The following RBFOX1 variants were observed in gnomAD, a reference collection of about 807,000 sequenced individuals.
RBFOX1 encodes the protein RNA binding fox-1 homolog 1, also known as RNA binding protein fox-1 homolog 1.
In RBFOX1, 8 loss-of-function variants were observed where a neutral mutation model predicts 57.7. That is an observed-to-expected ratio of 0.14 (90% CI 0.08 to 0.25). RBFOX1 has a LOEUF of 0.25. Among genes scored for constraint, RBFOX1 ranks in the 10% least tolerant of loss-of-function variants. The probability of loss-of-function intolerance (pLI) is 1.00; values close to 1 mark genes in which losing one functional copy is unlikely to be tolerated. For missense variants in RBFOX1, 611 were observed against 548.5 expected (o/e 1.11, Z -1.14); for synonymous variants, 326 against 222.4 (o/e 1.47, Z -4.15).
At chr16:6,810,004 G>C (rs927706846) in intron 3 of RBFOX1, among the ~76,000 whole-genome samples, 9 of 147,994 alleles carry the variant, frequency 6.1e-5, no homozygotes, top group African/African-American at 1.7e-4. Flanking sequence ...GTGTCTCTCT[G>C]AAAAAATTCT....
At chr16:5,296,527 C>T (rs2063672406) in intron 1 of RBFOX1, among the ~76,000 whole-genome samples, 3 of 151,224 alleles carry the variant, frequency 2.0e-5, no homozygotes, top group Admixed American at 2.0e-4. Context: ...CCTTGGTTCT[C>T]AGCAGTTCAA....
chr16:6,814,808 T>C lies in RBFOX1; in HGVS notation c.-16+160158T>C, dbSNP rs756058485. Among the ~76,000 whole-genome samples the C allele has an allele frequency of 4.0e-4, 61 of 152,102 alleles. 1 individual carries two copies. The highest frequency in any genetic ancestry group is 2.5e-4 in the Non-Finnish European group (17 of 68,010). ...GAAGCAGCACATCAAGGGGTTTGGG[T>C]TTATGTCCTGTGAGTGTTTCTGGAA... On this transcript the variant is annotated intron_variant, in intron 3 of 15. Coordinates refer to ENST00000550418, the MANE Select transcript of RBFOX1 (RefSeq NM_018723.4).
chr16:6,653,049 C>T (rs537224625), intron 2 of RBFOX1, among the ~76,000 whole-genome samples: 1 of 152,158 alleles, frequency 6.6e-6, no homozygotes, highest in Admixed American at 6.5e-5. Flanking sequence ...CTTCCTCTTG[C>T]TTGGCTCTTT....
intron 4 of RBFOX1, among the ~76,000 whole-genome samples, chr16:7,471,156 T>C (rs1273101704): frequency 6.6e-6 from 1 of 152,156 alleles, no homozygotes; most frequent in Non-Finnish European, 1.5e-5. Flanking sequence ...TGGGGGGATT[T>C]TCTATGATTT....
chr16:5,572,596 G>C (rs959086087), intron 2 of RBFOX1, among the ~76,000 whole-genome samples: 1 of 152,190 alleles, frequency 6.6e-6, no homozygotes, highest in Non-Finnish European at 1.5e-5. Flanking sequence ...ATCACCTGAG[G>C]TTGAGAACCC....
intron 4 of RBFOX1, among the ~76,000 whole-genome samples, chr16:5,914,782 C>T (rs1047737990): frequency 3.3e-5 from 5 of 152,112 alleles, no homozygotes; most frequent in African/African-American, 1.2e-4. Flanking sequence ...GTAGTCCCAG[C>T]TACTCAGGAG....
chr16:6,197,844 T>A (rs1013084529), intron 1 of RBFOX1, among the ~76,000 whole-genome samples: 2 of 152,120 alleles, frequency 1.3e-5, no homozygotes, highest in Non-Finnish European at 2.9e-5. Context: ...GTTGTTCCCT[T>A]CGTGTCCATG....
rs111239293 is a variant in RBFOX1 at position 7,578,438 on chromosome 16, C to G, written c.271-1339C>G. On this transcript the variant is annotated intron_variant, in intron 5 of 15. Coordinates refer to ENST00000550418, the MANE Select transcript of RBFOX1 (RefSeq NM_018723.4). ...AACAAGATGTCTTTATTTCAAAATG[C>G]GATTCAGGGTGTGTTAGGAAGGAAA... Among the ~76,000 whole-genome samples, 36 of 152,246 alleles carry G rather than the reference C, an allele frequency of 2.4e-4. No homozygotes were observed. The South Asian group carries it at 7.3e-3, about 31-fold the overall frequency.
chr16:5,649,893 AG>A (rs1422757901), intron 3 of RBFOX1, among the ~76,000 whole-genome samples: 1 of 152,074 alleles, frequency 6.6e-6, no homozygotes, highest in African/African-American at 2.4e-5. Context: ...CAGATTATAG[AG>A]GGATGTGAAG....
intron 1 of RBFOX1, among the ~76,000 whole-genome samples, chr16:6,266,612 G>T (rs568077644): frequency 6.6e-6 from 1 of 151,978 alleles, no homozygotes; most frequent in Non-Finnish European, 1.5e-5. Context: ...TACTCAGGGG[G>T]CTGAGGCAGG....
intron 1 of RBFOX1, among the ~76,000 whole-genome samples, chr16:6,119,101 G>C (rs906170290): frequency 1.3e-5 from 2 of 151,444 alleles, no homozygotes; most frequent in African/African-American, 4.9e-5. Context: ...ATATGTCCGA[G>C]TGTCAGTTTC....
chr16:7,417,787 C>T (rs1374246151), intron 4 of RBFOX1, among the ~76,000 whole-genome samples: 2 of 152,190 alleles, frequency 1.3e-5, no homozygotes, highest in South Asian at 2.1e-4. Context: ...ATGTTGGTCA[C>T]CCTCTGTGCA....
chr16:6,031,330 C>G (rs1027644678), intron 1 of RBFOX1, among the ~76,000 whole-genome samples: 1 of 152,168 alleles, frequency 6.6e-6, no homozygotes, highest in Non-Finnish European at 1.5e-5. Flanking sequence ...GTGGTGAGAG[C>G]AAGGGAAGGG....
chr16:6,706,512 CAG>C (rs1390254518), intron 3 of RBFOX1, among the ~76,000 whole-genome samples: 1 of 152,190 alleles, frequency 6.6e-6, no homozygotes, highest in East Asian at 1.9e-4. Flanking sequence ...ACTTACTTTG[CAG>C]CCGTGTTAAT....
intron 1 of RBFOX1, among the ~76,000 whole-genome samples, chr16:6,034,216 T>C (rs2095330835): frequency 6.7e-6 from 1 of 148,800 alleles, no homozygotes; most frequent in African/African-American, 2.5e-5. Context: ...GTGCCTGTAA[T>C]CCCAGCTACT....
At chr16:7,451,375 G>A (rs577793171) in intron 4 of RBFOX1, among the ~76,000 whole-genome samples, 3 of 152,202 alleles carry the variant, frequency 2.0e-5, no homozygotes, top group South Asian at 2.1e-4. Context: ...TGGAAATTTC[G>A]GAGCAGTGAA....
intron 12 of RBFOX1, among the ~76,000 whole-genome samples, chr16:7,654,650 A>G (rs931234896): frequency 2.4e-4 from 36 of 152,258 alleles, no homozygotes; most frequent in African/African-American, 8.7e-4. Context: ...GAAAAAAAAA[A>G]ATGATACTGG....
intron 4 of RBFOX1, among the ~76,000 whole-genome samples, chr16:7,120,803 A>G (rs1270273935): frequency 7.0e-6 from 1 of 142,904 alleles, no homozygotes; most frequent in Non-Finnish European, 1.5e-5. Context: ...AAACCAGGCT[A>G]TATGTAATAT....
At chr16:6,794,480 A>T (rs1018963611) in intron 3 of RBFOX1, among the ~76,000 whole-genome samples, 3 of 152,008 alleles carry the variant, frequency 2.0e-5, no homozygotes, top group Non-Finnish European at 4.4e-5. Context: ...TTCCTTTGTG[A>T]TTTAATGTAA....
Sources: allele counts gnomAD v4.1 joint callset (sites outside exome capture counted in the v4.1 genomes callset), GRCh38; gene constraint gnomAD v4.1.1; transcripts MANE v1.5; gene names NCBI Gene and HGNC (gene_info 2026-07-23, HGNC 2026-07-21).